GPR174: variants seen among roughly 807,000 people sequenced by gnomAD.
The protein encoded by GPR174 is G protein-coupled receptor 174.
GPR174 carries 8 observed loss-of-function variants against 16.5 expected under a neutral mutation model. The ratio of observed to expected loss-of-function variants is 0.48; its 90% CI spans 0.28 to 0.87. GPR174 has a LOEUF of 0.87. GPR174 is among the 40% of genes least tolerant of loss of function. GPR174 has a pLI of 0.09. For missense variants in GPR174, 214 were observed against 247.5 expected (o/e 0.86, Z 0.91); for synonymous variants, 111 against 94.8 (o/e 1.17, Z -0.99).
At position 79,172,855 on chromosome X, in the gene GPR174, A is replaced by G. The variant is rs1380863587; in HGVS notation, c.*846A>G. ...CACTTTTTCTAAAGAACACTTCTGG[A>G]GATGTATGGACCCGCCTAGTAGAGG... On this transcript the variant is annotated 3_prime_UTR_variant, in exon 3 of 3. Transcript: ENST00000645147. 9.0e-6 allele frequency: 1 copy of G among 111,348 alleles called. No individual in the cohort carries two copies. Among genetic ancestry groups the G allele is most frequent in the African/African-American group, 3.3e-5 (1 of 30,595 alleles). The allele number at this position is 111,348 out of a possible 1,213,427, so 9.2% of individuals were successfully genotyped here.
chrX:79,148,473 A>G (rs1390480409), intron 1 of GPR174, among the ~76,000 whole-genome samples: 1 of 112,007 alleles, frequency 8.9e-6, no homozygotes, highest in Non-Finnish European at 1.9e-5. Flanking sequence ...GATGAGATTC[A>G]GTATTTCTTA....
intron 2 of GPR174, among the ~76,000 whole-genome samples, chrX:79,164,360 G>A (rs1320316602): frequency 8.9e-6 from 1 of 111,915 alleles, no homozygotes; most frequent in Non-Finnish European, 1.9e-5. Flanking sequence ...GTCACTTTCT[G>A]CTTCCACCAA....
intron 2 of GPR174, among the ~76,000 whole-genome samples, chrX:79,161,257 A>C (rs999698545): frequency 8.9e-6 from 1 of 111,875 alleles, no homozygotes; most frequent in Non-Finnish European, 1.9e-5. Flanking sequence ...GCTATTTGCC[A>C]TGACGTAGAG....
intron 2 of GPR174, among the ~76,000 whole-genome samples, chrX:79,157,491 G>T (rs1921126667): frequency 9.0e-6 from 1 of 111,613 alleles, no homozygotes; most frequent in Non-Finnish European, 1.9e-5. Flanking sequence ...TCTATGCACA[G>T]ATTAAATAAA....
intron 2 of GPR174, among the ~76,000 whole-genome samples, chrX:79,168,041 G>T (rs1300984045): frequency 8.9e-6 from 1 of 112,241 alleles, no homozygotes; most frequent in Non-Finnish European, 1.9e-5. Flanking sequence ...ACTTTTCAAA[G>T]CATTTTATTA....
intron 2 of GPR174, among the ~76,000 whole-genome samples, chrX:79,159,052 A>T (rs978435523): frequency 9.0e-6 from 1 of 110,922 alleles, no homozygotes; most frequent in Admixed American, 9.7e-5. Context: ...AAAAGATTAA[A>T]CATAGAAAAA....
chrX:79,148,801 C>G (rs1049682372), intron 1 of GPR174, among the ~76,000 whole-genome samples: 1 of 112,078 alleles, frequency 8.9e-6, no homozygotes, highest in Admixed American at 9.5e-5. Context: ...AGCCCCTGCA[C>G]TTGGCCCCAA....
At chrX:79,160,198 T>G (rs1371939056) in intron 2 of GPR174, among the ~76,000 whole-genome samples, 3 of 111,038 alleles carry the variant, frequency 2.7e-5, no homozygotes, top group Admixed American at 1.9e-4. Flanking sequence ...GGCCTTTTTT[T>G]TCTACTTGAT....
rs780002667 is a variant in GPR174, at chrX:79,171,986, A to G, written c.979A>G (p.Thr327Ala). Residue 327 changes from threonine (T) to alanine (A), a missense_variant, in exon 3 of 3, where the codon ACC (threonine) becomes GCC (alanine). Transcript: ENST00000645147. ...CTTTGTGAGTAACCATACAGCTTCC[A>G]CCATGACACCTGAATTATGCTAAAA... The part of the protein sequence containing the change: ...KSFVSNHTAS[T>A]MTPELC 4 of 1,194,810 alleles carry G rather than the reference A, an allele frequency of 3.3e-6. No homozygotes were observed. The highest frequency in any genetic ancestry group is 4.5e-6 in the Non-Finnish European group (4 of 887,765).
chrX:79,151,993 C>G (rs371975315), intron 1 of GPR174, among the ~76,000 whole-genome samples: 1 of 111,593 alleles, frequency 9.0e-6, no homozygotes, highest in East Asian at 2.8e-4. Context: ...TTGCTTTATT[C>G]TACATAATCT....
intron 1 of GPR174, among the ~76,000 whole-genome samples, chrX:79,148,793 C>T (rs1926549413): frequency 8.9e-6 from 1 of 111,877 alleles, no homozygotes; most frequent in African/African-American, 3.3e-5. Context: ...CTGGTGTGAG[C>T]CCCTGCACTT....
At chrX:79,164,216 C>A (rs1269584076) in intron 2 of GPR174, among the ~76,000 whole-genome samples, 2 of 110,710 alleles carry the variant, frequency 1.8e-5, no homozygotes, top group African/African-American at 6.6e-5. Context: ...CCCCACCACA[C>A]CCCTATGCCT....
intron 2 of GPR174, among the ~76,000 whole-genome samples, chrX:79,167,498 C>T (rs748103650): frequency 9.1e-6 from 1 of 109,570 alleles, no homozygotes; most frequent in Admixed American, 9.7e-5. Context: ...GGCAGGGAAG[C>T]GAATAGTAGC....
chrX:79,156,236 G>A (rs1261079718), intron 1 of GPR174, among the ~76,000 whole-genome samples: 1 of 111,609 alleles, frequency 9.0e-6, no homozygotes, highest in Non-Finnish European at 1.9e-5. Context: ...GGAAGCTGGG[G>A]TATGGTTTTT....
chrX:79,160,761 G>GT (rs1921216371), intron 2 of GPR174, among the ~76,000 whole-genome samples: 2 of 111,677 alleles, frequency 1.8e-5, no homozygotes, highest in Non-Finnish European at 3.8e-5. Flanking sequence ...TTACGGAGAA[G>GT]GTCAGACAAA....
intron 1 of GPR174, among the ~76,000 whole-genome samples, chrX:79,145,711 C>A (rs1406406678): frequency 2.7e-5 from 3 of 111,272 alleles, no homozygotes; most frequent in African/African-American, 9.8e-5. Context: ...TATTTCAGGA[C>A]CTTAGCTAAT....
At chrX:79,146,875 C>A (rs1326912417) in intron 1 of GPR174, among the ~76,000 whole-genome samples, 1 of 111,145 alleles carries the variant, frequency 9.0e-6, no homozygotes, top group Non-Finnish European at 1.9e-5. Flanking sequence ...ATACTTTAGG[C>A]ACCAATCAGC....
At chrX:79,152,226 T>C (rs777340097) in intron 1 of GPR174, among the ~76,000 whole-genome samples, 4 of 111,852 alleles carry the variant, frequency 3.6e-5, no homozygotes, top group Non-Finnish European at 7.5e-5. Context: ...CTATACTGGC[T>C]ATAAGGAATT....
At chrX:79,163,533 C>T (rs546261164) in intron 2 of GPR174, among the ~76,000 whole-genome samples, 16 of 111,677 alleles carry the variant, frequency 1.4e-4, no homozygotes, top group African/African-American at 4.9e-4. Context: ...GTAACTCAAA[C>T]TGTAGACTAC....
Sources: gnomAD v4.1 joint callset for allele counts (sites outside exome capture counted in the v4.1 genomes callset) on GRCh38, gnomAD v4.1.1 for gene constraint, MANE v1.5 for transcripts, NCBI Gene and HGNC (gene_info 2026-07-23, HGNC 2026-07-21) for gene names.